SH3BGR: variants seen among roughly 807,000 people sequenced by gnomAD.
SH3BGR encodes the protein SH3 domain binding glutamate rich protein.
SH3BGR carries 29 observed loss-of-function variants against 24.5 expected under a neutral mutation model. The observed-to-expected ratio is 1.18, with a 90% CI of 0.88 to 1.61. SH3BGR has a LOEUF of 1.61. Among genes scored for constraint, SH3BGR ranks in the 40% most tolerant of loss-of-function variants. The pLI is 0.00. For missense variants in SH3BGR, 162 were observed against 205.8 expected (o/e 0.79, Z 1.30); for synonymous variants, 55 against 65.7 (o/e 0.84, Z 0.79).
intron 4 of SH3BGR, among the ~76,000 whole-genome samples, chr21:39,502,905 C>A (rs1272910016): frequency 6.6e-6 from 1 of 152,136 alleles, no homozygotes; most frequent in Admixed American, 6.5e-5. Context: ...TGTGTATGAG[C>A]AGGGCCTGGG....
chr21:39,466,110 C>T (rs1052457669), intron 2 of SH3BGR, among the ~76,000 whole-genome samples: 8 of 152,152 alleles, frequency 5.3e-5, no homozygotes, highest in East Asian at 3.9e-4. Flanking sequence ...AGTACATACG[C>T]GTCTCACATT....
chr21:39,504,066 T>C lies in SH3BGR; in HGVS notation c.405+4151T>C, dbSNP rs556493820. On this transcript the variant is annotated intron_variant, in intron 4 of 6. Transcript: ENST00000333634. Reference sequence around the variant, plus strand: ...GAGCTTTAGAAAATGCTGGAAACATTGCACCTTGTGCAGGTTTGGTTTGTG... The same window carrying C: ...GAGCTTTAGAAAATGCTGGAAACATCGCACCTTGTGCAGGTTTGGTTTGTG... 9.7e-4 allele frequency among the ~76,000 whole-genome samples: 148 copies of C among 152,342 alleles called. 1 individual carries two copies. The highest frequency in any genetic ancestry group is 3.2e-3 in the African/African-American group (134 of 41,588).
chr21:39,494,713 G>A (rs2078364611), intron 3 of SH3BGR, among the ~76,000 whole-genome samples: 1 of 151,084 alleles, frequency 6.6e-6, no homozygotes, highest in African/African-American at 2.4e-5. Flanking sequence ...TTATTATTGG[G>A]GTTTTCTGAG....
chr21:39,496,417 G>A (rs916743830), intron 3 of SH3BGR, among the ~76,000 whole-genome samples: 4 of 151,100 alleles, frequency 2.6e-5, no homozygotes, highest in African/African-American at 7.3e-5. Context: ...GGAGAATGGC[G>A]TGAACCCAGG....
chr21:39,493,465 T>C (rs1006615924), intron 3 of SH3BGR, among the ~76,000 whole-genome samples: 2 of 152,252 alleles, frequency 1.3e-5, no homozygotes, highest in East Asian at 1.9e-4. Flanking sequence ...TTCTGTTTCA[T>C]TGGTCTATGT....
At position 39,455,797 on chromosome 21, in the gene SH3BGR, G is replaced by A. The variant is rs115682939; in HGVS notation, c.45+3656G>A. On this transcript the variant is annotated intron_variant, in intron 1 of 6. Coordinates refer to ENST00000333634, the MANE Select transcript of SH3BGR (RefSeq NM_007341.3). ...GCAGAACTCAAGTGCCCTGAATAGCGTGATAAGCAATGCACTGGGCTCTGT... is the reference window on the plus strand; with the variant it reads ...GCAGAACTCAAGTGCCCTGAATAGCATGATAAGCAATGCACTGGGCTCTGT... Among the ~76,000 whole-genome samples the A allele has an allele frequency of 3.5e-3, 528 of 152,326 alleles. 4 individuals are homozygous for A. Among genetic ancestry groups the A allele is most frequent in the African/African-American group, 0.012 (513 of 41,580 alleles).
chr21:39,457,960 A>G (rs150341899), intron 1 of SH3BGR, among the ~76,000 whole-genome samples: 1,785 of 152,198 alleles, frequency 0.012, 17 homozygotes, highest in Non-Finnish European at 0.017. Context: ...AACAAGAAAC[A>G]AAAAACCCCA....
chr21:39,457,373 GATT>G (rs937734546), intron 1 of SH3BGR, among the ~76,000 whole-genome samples: 7 of 139,290 alleles, frequency 5.0e-5, no homozygotes, highest in South Asian at 4.4e-4. Flanking sequence ...TTATATATAA[GATT>G]ATTATATATT....
intron 1 of SH3BGR, 86 bp from the exon 2 acceptor site, chr21:39,462,289 G>A (rs2077767549): frequency 3.2e-6 from 3 of 925,982 alleles, no homozygotes; most frequent in Non-Finnish European, 5.0e-6. Context: ...GTGTTGTATA[G>A]TATAACTAGA....
At chr21:39,510,429 TACAC>T (rs140320437) in intron 5 of SH3BGR, among the ~76,000 whole-genome samples, 1,567 of 105,498 alleles carry the variant, frequency 0.015, 81 homozygotes, top group East Asian at 0.074. Context: ...ACACTGTAGC[TACAC>T]ACACACACAC....
Position 39,511,700 on chromosome 21 carries a change from G to C in SH3BGR, c.456G>C (p.Glu152Asp). 2 of 1,610,880 alleles carry C rather than the reference G, an allele frequency of 1.2e-6. No homozygotes were observed. Among genetic ancestry groups the C allele is most frequent in the Non-Finnish European group, 1.7e-6 (2 of 1,179,044 alleles). ...ATAAGACGGAAGAAATAGCCATGGA[G>C]GGTGCGGAAGGGGAAGCCGAGGAGG... The part of the protein sequence containing the change: ...ATEETEEIAM[E>D]GAEGEAEEEE... Residue 152 changes from glutamate to aspartate, a missense_variant, in exon 6 of 7, where the codon GAG becomes GAC. Coordinates refer to ENST00000333634, the MANE Select transcript of SH3BGR (RefSeq NM_007341.3). This position sits in a 1 kb window ranked among gnomAD's most constrained non-coding sequence, Gnocchi z 4.2.
intron 3 of SH3BGR, among the ~76,000 whole-genome samples, chr21:39,483,002 C>T (rs2078156288): frequency 6.6e-6 from 1 of 152,190 alleles, no homozygotes; most frequent in Non-Finnish European, 1.5e-5. Context: ...AAGCATATGG[C>T]AATGTTGTAT....
chr21:39,463,058 A>AT (rs1428041291), intron 2 of SH3BGR, among the ~76,000 whole-genome samples: 1 of 152,080 alleles, frequency 6.6e-6, no homozygotes, highest in Non-Finnish European at 1.5e-5. Context: ...TAATTTCTAA[A>AT]TTTTTTGTAG....
intron 1 of SH3BGR, among the ~76,000 whole-genome samples, chr21:39,458,890 G>A (rs1484877322): frequency 6.6e-6 from 1 of 151,948 alleles, no homozygotes; most frequent in Admixed American, 6.6e-5. Flanking sequence ...CAGATGATCT[G>A]CCTGCCTCAG....
At chr21:39,507,605 T>C (rs1361377732) in intron 4 of SH3BGR, among the ~76,000 whole-genome samples, 1 of 152,176 alleles carries the variant, frequency 6.6e-6, no homozygotes, top group Admixed American at 6.5e-5. Flanking sequence ...AGTGCTGGGA[T>C]TACAGGCATG....
chr21:39,506,314 G>A (rs991459881), intron 4 of SH3BGR, among the ~76,000 whole-genome samples: 22 of 152,218 alleles, frequency 1.4e-4, no homozygotes, highest in African/African-American at 4.8e-4. Flanking sequence ...ATCCTGGAAG[G>A]TGTGGCCAAT....
Position 39,474,427 on chromosome 21 carries a change from A to G in SH3BGR, c.232-708A>G, listed in dbSNP as rs570064714. On this transcript the variant is annotated intron_variant, in intron 2 of 6. Transcript: ENST00000333634. ...CCTGATGATGAAGATTGGCAGTAAT[A>G]AAGTAGTCTGGGGGAATATCGTTTA... 1.4e-4 allele frequency among the ~76,000 whole-genome samples: 22 copies of G among 152,322 alleles called. No individual in the cohort carries two copies. In the South Asian group the frequency reaches 4.4e-3, roughly 30 times the overall value.
chr21:39,482,319 T>C (rs1425238590), intron 3 of SH3BGR, among the ~76,000 whole-genome samples: 2 of 152,240 alleles, frequency 1.3e-5, no homozygotes, highest in African/African-American at 4.8e-5. Context: ...AGAGATGGAA[T>C]TGTTCTAGAC....
intron 3 of SH3BGR, among the ~76,000 whole-genome samples, chr21:39,497,227 C>T (rs1397913665): frequency 6.7e-6 from 1 of 150,320 alleles, no homozygotes; most frequent in Non-Finnish European, 1.5e-5. Flanking sequence ...GTAGAAACAT[C>T]AATTTATATA....
Sources: allele counts gnomAD v4.1 joint callset (sites outside exome capture counted in the v4.1 genomes callset), GRCh38; gene constraint gnomAD v4.1.1; non-coding constraint Gnocchi (gnomAD v3.1); transcripts MANE v1.5; gene names NCBI Gene and HGNC (gene_info 2026-07-23, HGNC 2026-07-21).